Variants in ULK4 observed in about 807,000 individuals in gnomAD.
ULK4 encodes inactive serine/threonine-protein kinase ULK4.
A neutral mutation model predicts 160.6 loss-of-function variants in ULK4; 133 were observed. That is an observed-to-expected ratio of 0.83 (90% CI 0.72 to 0.96). The LOEUF (loss-of-function observed/expected upper bound fraction) is 0.96. Ranked by LOEUF, ULK4 falls within the 40% of genes least tolerant of loss-of-function variation. ULK4 has a pLI of 0.00. For synonymous variants in ULK4, 534 were observed against 539.8 expected, an observed-to-expected ratio of 0.99 and a Z score of 0.15; for missense variants, 1,580 against 1,499.5, an observed-to-expected ratio of 1.05 and a Z score of -0.89.
intron 34 of ULK4, among the ~76,000 whole-genome samples, chr3:41,406,689 T>C (rs1446683779): frequency 6.6e-6 from 1 of 152,220 alleles, no homozygotes; most frequent in African/African-American, 2.4e-5. Context: ...CTCTTTTTTC[T>C]ACTTTCCTGT....
At position 41,891,763 on chromosome 3, in the gene ULK4, G is replaced by A. The variant is rs187038616; in HGVS notation, c.1577+3755C>T. On this transcript the variant is annotated intron_variant, in intron 16 of 36. Transcript: ENST00000301831. ...TCTACAAAAATACAAAAATTAGCCG[G>A]GCATGATGGCAGGTGCCTATAATCC... Among the ~76,000 whole-genome samples, 9 of 152,216 alleles carry A rather than the reference G, an allele frequency of 5.9e-5. No individual in the cohort carries two copies. In the East Asian group the frequency reaches 1.7e-3, roughly 29 times the overall value.
intron 30 of ULK4, among the ~76,000 whole-genome samples, chr3:41,648,845 A>G (rs914495732): frequency 6.6e-6 from 1 of 152,174 alleles, no homozygotes; most frequent in African/African-American, 2.4e-5. Flanking sequence ...GTAAAAAGCC[A>G]GAAGTAGGCT....
Position 41,541,640 on chromosome 3 carries a change from T to C in ULK4, c.3226+24385A>G, listed in dbSNP as rs139354022. 5.8e-3 allele frequency among the ~76,000 whole-genome samples: 879 copies of C among 152,320 alleles called. 6 individuals carry two copies. Among genetic ancestry groups the C allele is most frequent in the Middle Eastern group, 0.017 (5 of 294 alleles). On this transcript the variant is annotated intron_variant, in intron 32 of 36. Transcript: ENST00000301831. ...GGGAAGTATGGCCATTTTCATGATATTGATTCTTCCTATCCATGAGCATGG... is the reference window on the plus strand; with the variant it reads ...GGGAAGTATGGCCATTTTCATGATACTGATTCTTCCTATCCATGAGCATGG...
In ULK4 at chr3:41,635,369, T is replaced by C. The variant is rs544496842; in HGVS notation, c.3072-19652A>G. On this transcript the variant is annotated intron_variant, in intron 30 of 36. Coordinates refer to ENST00000301831, the MANE Select transcript of ULK4 (RefSeq NM_017886.4). ...TGTTTGTGTGTGTACTTAACAAATC[T>C]ATAGTTTTGTCCTAATTATAAAAAA... 3.3e-5 allele frequency among the ~76,000 whole-genome samples: 5 copies of C among 152,280 alleles called. No homozygotes were observed. In the East Asian group the frequency reaches 9.6e-4, roughly 29 times the overall value.
intron 35 of ULK4, among the ~76,000 whole-genome samples, chr3:41,256,560 T>G (rs1323110669): frequency 1.3e-5 from 2 of 152,244 alleles, no homozygotes; most frequent in Non-Finnish European, 2.9e-5. Context: ...TAGACATATA[T>G]TTTACATCTT....
At chr3:41,301,626 A>C (rs2125711156) in intron 35 of ULK4, among the ~76,000 whole-genome samples, 1 of 152,332 alleles carries the variant, frequency 6.6e-6, no homozygotes, top group South Asian at 2.1e-4. Flanking sequence ...CATCTGAGGA[A>C]ATGCATTTAC....
intron 30 of ULK4, among the ~76,000 whole-genome samples, chr3:41,616,999 G>C (rs991337007): frequency 6.6e-6 from 1 of 152,228 alleles, no homozygotes; most frequent in Non-Finnish European, 1.5e-5. Context: ...TTCCCTGACA[G>C]TGCTAAGAAG....
intron 34 of ULK4, among the ~76,000 whole-genome samples, chr3:41,412,788 T>A (rs1353162778): frequency 6.6e-6 from 1 of 151,972 alleles, no homozygotes; most frequent in Non-Finnish European, 1.5e-5. Flanking sequence ...CTCGAACTCC[T>A]GGCCTCAAGT....
chr3:41,747,554 C>T (rs9821294), intron 22 of ULK4, among the ~76,000 whole-genome samples: 4,593 of 152,032 alleles, frequency 0.03, 238 homozygotes, highest in African/African-American at 0.11. Flanking sequence ...AATTCTGTTC[C>T]CCCCAAAATT....
chr3:41,922,610 G>A (rs1279604024), intron 5 of ULK4, among the ~76,000 whole-genome samples: 1 of 151,544 alleles, frequency 6.6e-6, no homozygotes, highest in Non-Finnish European at 1.5e-5. Context: ...TGGGGTTAAG[G>A]GGTGAGGGGG....
intron 35 of ULK4, among the ~76,000 whole-genome samples, chr3:41,268,366 C>T (rs1478582681): frequency 2.0e-5 from 3 of 152,186 alleles, no homozygotes; most frequent in Non-Finnish European, 1.5e-5. Flanking sequence ...TTGGACCAGC[C>T]TTTCTTCCAA....
chr3:41,732,954 C>T (rs28755797), intron 22 of ULK4, among the ~76,000 whole-genome samples: 27,343 of 151,698 alleles, frequency 0.18, 2,534 homozygotes, highest in Middle Eastern at 0.32. Flanking sequence ...TCTGGGGAGG[C>T]TAAGGGCAGG....
intron 35 of ULK4, among the ~76,000 whole-genome samples, chr3:41,264,952 C>A (rs1019216502): frequency 6.6e-6 from 1 of 152,220 alleles, no homozygotes; most frequent in Non-Finnish European, 1.5e-5. Context: ...GGAAGGGAGA[C>A]TTGTGACAGG....
At chr3:41,774,783 T>C (rs976831413) in intron 21 of ULK4, among the ~76,000 whole-genome samples, 3 of 150,562 alleles carry the variant, frequency 2.0e-5, no homozygotes, top group African/African-American at 7.5e-5. Flanking sequence ...CATATGTTTA[T>C]TGCGGCACTA....
chr3:41,506,068 G>A (rs1242862260), intron 32 of ULK4, among the ~76,000 whole-genome samples: 1 of 151,486 alleles, frequency 6.6e-6, no homozygotes, highest in Non-Finnish European at 1.5e-5. Flanking sequence ...TGTGTATATA[G>A]CAAAAAAAAC....
chr3:41,256,175 A>C (rs988580647), intron 35 of ULK4, among the ~76,000 whole-genome samples: 1 of 152,230 alleles, frequency 6.6e-6, no homozygotes, highest in Admixed American at 6.5e-5. Flanking sequence ...AAATCTTTGT[A>C]ATATAGAATA....
intron 30 of ULK4, among the ~76,000 whole-genome samples, chr3:41,641,578 G>A (rs1403205311): frequency 7.9e-5 from 12 of 152,116 alleles, no homozygotes; most frequent in African/African-American, 2.7e-4. Flanking sequence ...TGTGTCTGTA[G>A]TCACAGCTAA....
At chr3:41,864,478 G>A (rs1158643706) in intron 17 of ULK4, among the ~76,000 whole-genome samples, 1 of 152,124 alleles carries the variant, frequency 6.6e-6, no homozygotes, top group Non-Finnish European at 1.5e-5. Context: ...TGCTTTTACT[G>A]TGTAGATACT....
At chr3:41,701,085 T>C (rs2036658261) in intron 27 of ULK4, among the ~76,000 whole-genome samples, 1 of 151,690 alleles carries the variant, frequency 6.6e-6, no homozygotes, top group South Asian at 2.1e-4. Context: ...ACAGTAAGAA[T>C]TAGAAAAAAA....
Sources: gnomAD v4.1 joint callset for allele counts (sites outside exome capture counted in the v4.1 genomes callset) on GRCh38, gnomAD v4.1.1 for gene constraint, MANE v1.5 for transcripts, NCBI Gene and HGNC (gene_info 2026-07-23, HGNC 2026-07-21) for gene names.